The following CPAMD8 variants were observed in gnomAD, a reference collection of about 807,000 sequenced individuals.
CPAMD8 encodes C3 and PZP like alpha-2-macroglobulin domain containing 8, also known as C3 and PZP-like alpha-2-macroglobulin domain-containing protein 8.
In CPAMD8, 146 loss-of-function variants were observed where a neutral mutation model predicts 224.7. That is an observed-to-expected ratio of 0.65 (90% confidence interval 0.57 to 0.75). The LOEUF is 0.75. CPAMD8 is among the 30% of genes least tolerant of loss of function. CPAMD8 has a pLI of 0.00. For missense variants in CPAMD8, 2,301 were observed against 2,537.5 expected (o/e 0.91, Z 2.00); for synonymous variants, 966 against 1,044.6 (o/e 0.92, Z 1.45).
chr19:16,981,607 T>C lies in CPAMD8; in HGVS notation c.1396-921A>G, dbSNP rs376523769. 1.6e-4 allele frequency among the ~76,000 whole-genome samples: 25 copies of C among 152,286 alleles called. No individual in the cohort carries two copies. In the East Asian group the frequency reaches 4.4e-3, roughly 27 times the overall value. On this transcript the variant is annotated intron_variant, in intron 13 of 41. Coordinates refer to ENST00000443236, the MANE Select transcript of CPAMD8 (RefSeq NM_015692.5). Reference sequence around the variant, plus strand: ...CATTGAACCCTGAAGCTGCCATTATTCTGATATCAGGAAAGCTAAGGCCTC... The same window carrying C: ...CATTGAACCCTGAAGCTGCCATTATCCTGATATCAGGAAAGCTAAGGCCTC...
At chr19:16,902,571 T>C in intron 35 of CPAMD8, 78 bp downstream of exon 35, 1 of 862,508 alleles carries the variant, frequency 1.2e-6, no homozygotes, top group Non-Finnish European at 1.8e-6. Context: ...CGGAAGCTCC[T>C]CCTGGTCCCA....
chr19:16,897,999 G>A lies in CPAMD8; in HGVS notation c.4849-5C>T, dbSNP rs185721615. On this transcript the variant is annotated splice_region_variant and splice_polypyrimidine_tract_variant and intron_variant, in intron 37 of 41. Transcript: ENST00000443236. ...CGTCAGGCACCGGCTGGGGATCTGT[G>A]GGGCAGCGGCGGGCGCAGGCTCGAC... 6.0e-4 allele frequency: 959 copies of A among 1,606,706 alleles called. 4 individuals carry two copies. In the African/African-American group the frequency reaches 0.012, roughly 20 times the overall value.
At chr19:16,963,909 G>A (rs1358191284) in intron 18 of CPAMD8, among the ~76,000 whole-genome samples, 1 of 152,106 alleles carries the variant, frequency 6.6e-6, no homozygotes, top group African/African-American at 2.4e-5. Context: ...ACAACCACAT[G>A]GAAACTGAAC....
chr19:16,931,120 A>G (rs1396542909), intron 23 of CPAMD8, among the ~76,000 whole-genome samples: 1 of 152,192 alleles, frequency 6.6e-6, no homozygotes. Context: ...TGTCACTGGA[A>G]GCAACTGCAC....
In CPAMD8 at chr19:17,002,314, C is replaced by T. The variant is rs768935168; in HGVS notation, c.710G>A (p.Arg237Gln). 1.4e-5 allele frequency: 22 copies of T among 1,606,212 alleles called. 1 individual carries two copies. Among genetic ancestry groups the T allele is most frequent in the South Asian group, 7.8e-5 (7 of 90,072 alleles). ...ACAGGCGTCCAGGTCTTGGATATAC[C>T]GGGGCGGGTCAATCAGAAGCTCAAA... The part of the protein sequence containing the change: ...PKFELLIDPP[R>Q]YIQDLDACET... The change falls in exon 9 of 42, where the codon CGG becomes CAG. Residue 237 changes from arginine to glutamine, a missense_variant. Arg to Gln is a conservative substitution (Grantham distance 43). Around this residue, in one of 4 missense-constraint regions of CPAMD8, gnomAD observed 283 missense variants for 340.6 expected, o/e 0.83. Coordinates refer to ENST00000443236, the MANE Select transcript of CPAMD8 (RefSeq NM_015692.5).
At position 16,947,177 on chromosome 19, in the gene CPAMD8, A is replaced by G; in HGVS notation, c.2559T>C (p.Pro853=). 6.2e-7 allele frequency: 1 copy of G among 1,613,840 alleles called. No individual in the cohort carries two copies. The highest frequency in any genetic ancestry group is 8.5e-7 in the Non-Finnish European group (1 of 1,179,850). ...VPKGIQFVGH[P]GKRHVTKKMC... is the part of the protein sequence containing the mutation. Reference sequence around the variant, plus strand: ...TCTTCTTGGTCACATGGCGTTTGCCAGGATGCCCAACAAACTGGATGCCCT... The same window carrying G: ...TCTTCTTGGTCACATGGCGTTTGCCGGGATGCCCAACAAACTGGATGCCCT... The change falls in exon 21 of 42, where the codon CCT becomes CCC. Residue 853 remains proline (P), a synonymous_variant. Coordinates refer to ENST00000443236, the MANE Select transcript of CPAMD8 (RefSeq NM_015692.5).
chr19:16,973,669 AAATG>A (rs2055144519), intron 17 of CPAMD8, among the ~76,000 whole-genome samples: 1 of 151,720 alleles, frequency 6.6e-6, no homozygotes, highest in Non-Finnish European at 1.5e-5. Flanking sequence ...TTTAAAGCTG[AAATG>A]AAAGGCACCC....
At chr19:16,904,176 A>AGGCCCCCCCCCCCCCCCC in intron 32 of CPAMD8, 50 bp downstream of exon 32, 3 of 937,338 alleles carry the variant, frequency 3.2e-6, no homozygotes, top group East Asian at 2.6e-5. Flanking sequence ...GACTGCAGGG[A>AGGCCCCCCCCCCCCCCCC]CCCCACCCAC....
intron 7 of CPAMD8, 72 bp from the exon 8 acceptor site, chr19:17,004,458 AGGAC>A: frequency 1.0e-6 from 1 of 957,900 alleles, no homozygotes; most frequent in South Asian, 1.4e-5. Context: ...AGAGGGAGCC[AGGAC>A]CCTGCTCCTT....
Position 16,952,007 on chromosome 19 carries a change from G to T in CPAMD8, c.2470C>A (p.Pro824Thr), listed in dbSNP as rs1478100789. The change falls in exon 20 of 42, where the codon CCG (proline) becomes ACG (threonine). Residue 824 changes from proline to threonine, a missense_variant. Physicochemically the swap from Pro to Thr is conservative, Grantham distance 38. Around this residue, in one of 4 missense-constraint regions of CPAMD8, gnomAD observed 1,709 missense variants for 1,753.2 expected, o/e 0.97. Transcript: ENST00000443236. ...LIIRGEQVKI[P>T]LSVYNYMGTC... ...CCCATGTAGTTGTAGACACTGAGCG[G>T]GATCTTGACCTGCTCCCCACGGATG... is the stretch of plus-strand genomic sequence containing the variant. The T allele has an allele frequency of 6.3e-7, 1 of 1,583,092 alleles. No individual in the cohort carries two copies. Among genetic ancestry groups the T allele is most frequent in the South Asian group, 1.1e-5 (1 of 87,000 alleles).
At chr19:16,982,927 A>G (rs1163939540) in intron 13 of CPAMD8, among the ~76,000 whole-genome samples, 2 of 152,200 alleles carry the variant, frequency 1.3e-5, no homozygotes, top group Admixed American at 6.5e-5. Flanking sequence ...TCATGGGGAC[A>G]GTTTCCCCAA....
chr19:16,981,760 C>T (rs904305851), intron 13 of CPAMD8, among the ~76,000 whole-genome samples: 2 of 152,212 alleles, frequency 1.3e-5, no homozygotes, highest in African/African-American at 2.4e-5. Context: ...ACCCTGAAAG[C>T]CCAGAAGAGG....
At chr19:16,928,365 G>A (rs1427716297) in intron 24 of CPAMD8, 131 bp from the exon 25 acceptor site, 9 of 671,098 alleles carry the variant, frequency 1.3e-5, no homozygotes, top group South Asian at 5.6e-5. Flanking sequence ...AAGGGTCTTC[G>A]GGGAGTCAGA....
intron 17 of CPAMD8, among the ~76,000 whole-genome samples, chr19:16,973,827 C>CTTT (rs559363114): frequency 1.4e-4 from 17 of 118,310 alleles, no homozygotes; most frequent in East Asian, 2.3e-4. Context: ...AGCATTAGCC[C>CTTT]TTTTTTTTTT....
At chr19:16,931,626 A>G (rs949340155) in intron 23 of CPAMD8, among the ~76,000 whole-genome samples, 1 of 152,150 alleles carries the variant, frequency 6.6e-6, no homozygotes, top group African/African-American at 2.4e-5. Context: ...TGGAAGTCCA[A>G]GAGTTGGCCC....
At chr19:16,961,067 C>G (rs1442605921) in intron 18 of CPAMD8, among the ~76,000 whole-genome samples, 1 of 151,862 alleles carries the variant, frequency 6.6e-6, no homozygotes, top group Admixed American at 6.6e-5. Context: ...CAAATAGGAA[C>G]AGCTCCAGTC....
intron 22 of CPAMD8, among the ~76,000 whole-genome samples, chr19:16,944,226 A>C (rs748493669): frequency 6.6e-6 from 1 of 152,186 alleles, no homozygotes; most frequent in Non-Finnish European, 1.5e-5. Context: ...TTGCTGCTTT[A>C]TCAAGCCACA....
At chr19:16,969,306 C>T (rs1325484105) in intron 18 of CPAMD8, among the ~76,000 whole-genome samples, 1 of 152,114 alleles carries the variant, frequency 6.6e-6, no homozygotes, top group Non-Finnish European at 1.5e-5. Context: ...GAACATTGGG[C>T]AATGTCTGGA....
chr19:16,903,172 G>A (rs1284870456), intron 34 of CPAMD8, among the ~76,000 whole-genome samples: 2 of 152,002 alleles, frequency 1.3e-5, no homozygotes, highest in African/African-American at 4.8e-5. Flanking sequence ...AGAAAACGGA[G>A]GCTAGCGAGA....
Sources: gnomAD v4.1 joint callset for allele counts (sites outside exome capture counted in the v4.1 genomes callset) on GRCh38, gnomAD v4.1.1 for gene constraint, gnomAD v4.1.1 regional missense constraint, MANE v1.5 for transcripts, NCBI Gene and HGNC (gene_info 2026-07-23, HGNC 2026-07-21) for gene names.